Variants in CFAP184 observed in about 807,000 individuals in gnomAD.
CFAP184 encodes cilia- and flagella-associated protein 184.
the CFAP184 span, chr4:7,041,813 G>A: frequency 6.2e-7 from 1 of 1,610,480 alleles, no homozygotes; most frequent in Non-Finnish European, 8.5e-7. Flanking sequence ...TTCTCCAGCC[G>A]CACGGCGCTC....
At chr4:7,042,286 TTC>T in the CFAP184 span, 1 of 1,591,548 alleles carries the variant, frequency 6.3e-7, no homozygotes, top group African/African-American at 1.3e-5. Context: ...CTCCTGCAGC[TTC>T]TGGACCTCCT....
the CFAP184 span, chr4:7,041,897 T>C: frequency 1.9e-6 from 3 of 1,612,006 alleles, no homozygotes; most frequent in African/African-American, 4.0e-5. Flanking sequence ...CGCCCGCCCC[T>C]CATCCGACAG....
the CFAP184 span, chr4:7,042,440 C>G: frequency 1.9e-6 from 3 of 1,611,752 alleles, no homozygotes; most frequent in Admixed American, 5.0e-5. Context: ...TCTTCCTCCC[C>G]CTCCACCCGC....
the CFAP184 span, chr4:7,041,616 T>A: frequency 2.0e-4 from 321 of 1,614,258 alleles, 1 homozygote; most frequent in East Asian, 6.7e-3. Flanking sequence ...GGGTTATTAC[T>A]TGCACACTGT....
chr4:7,041,783 G>C, the CFAP184 span: 1 of 1,612,436 alleles, frequency 6.2e-7, no homozygotes, highest in Non-Finnish European at 8.5e-7. Flanking sequence ...AAATGCACCA[G>C]GCTCTGCTTC....
the CFAP184 span, chr4:7,042,983 T>A: frequency 2.2e-6 from 3 of 1,385,222 alleles, no homozygotes; most frequent in African/African-American, 1.5e-5. Flanking sequence ...CAGGACGCTG[T>A]TAGGTTTCCC....
the CFAP184 span, chr4:7,041,478 C>A: frequency 6.2e-7 from 1 of 1,614,178 alleles, no homozygotes; most frequent in Non-Finnish European, 8.5e-7. Flanking sequence ...CCGTCCGCAG[C>A]CCCTCTCGGG....
chr4:7,042,809 C>T, the CFAP184 span: 18 of 1,563,330 alleles, frequency 1.2e-5, no homozygotes, highest in Non-Finnish European at 1.5e-5. Context: ...GGCTCCGACT[C>T]CAGCTCCCCG....
At chr4:7,041,766 G>A in the CFAP184 span, 3 of 1,613,076 alleles carry the variant, frequency 1.9e-6, no homozygotes, top group African/African-American at 4.0e-5. Context: ...TCCTCATCCT[G>A]GTTTCAAAAT....
chr4:7,042,102 C>A, the CFAP184 span: 2 of 1,608,572 alleles, frequency 1.2e-6, no homozygotes, highest in Non-Finnish European at 1.7e-6. Context: ...CTTGCTCTTT[C>A]TCGGGGGCCT....
chr4:7,042,825 G>A, the CFAP184 span: 6 of 1,570,268 alleles, frequency 3.8e-6, no homozygotes, highest in Non-Finnish European at 5.2e-6. Flanking sequence ...CCCCGGGTTC[G>A]GGAGAGGTCG....
the CFAP184 span, chr4:7,042,717 C>T: frequency 5.9e-6 from 9 of 1,517,730 alleles, no homozygotes; most frequent in East Asian, 2.0e-4. Context: ...CCTCGGCTGC[C>T]GTTAGCCCTT....
chr4:7,041,360 A>C, the CFAP184 span: 9 of 1,614,056 alleles, frequency 5.6e-6, no homozygotes, highest in African/African-American at 1.1e-4. Flanking sequence ...CGCTTCAGGG[A>C]TTCCAGGCGC....
the CFAP184 span, chr4:7,042,847 C>T: frequency 1.3e-6 from 2 of 1,578,492 alleles, no homozygotes; most frequent in East Asian, 2.3e-5. Context: ...AGGGCCAGAG[C>T]TGGCCTTGAT....
chr4:7,042,832 G>A, the CFAP184 span: 2 of 1,573,644 alleles, frequency 1.3e-6, no homozygotes, highest in Non-Finnish European at 1.7e-6. Flanking sequence ...TTCGGGAGAG[G>A]TCGGAGGGCC....
At chr4:7,040,983 A>G in the CFAP184 span, 6 of 338,614 alleles carry the variant, frequency 1.8e-5, no homozygotes, top group Admixed American at 2.1e-4. Context: ...CACTGAAATT[A>G]TAGAATTGCT....
the CFAP184 span, chr4:7,042,173 C>T: frequency 6.3e-7 from 1 of 1,598,324 alleles, no homozygotes. Flanking sequence ...CTGCGCAGCG[C>T]CTCGAAGATC....
chr4:7,042,005 A>G, the CFAP184 span: 1 of 1,612,192 alleles, frequency 6.2e-7, no homozygotes, highest in African/African-American at 1.3e-5. Context: ...TGCCGCTTCA[A>G]CTGGCCCAGC....
the CFAP184 span, chr4:7,041,278 G>T: frequency 1.9e-6 from 3 of 1,590,976 alleles, no homozygotes; most frequent in African/African-American, 2.7e-5. Context: ...TGGTCAAGAA[G>T]GGAGAAAGGC....
Sources: gnomAD v4.1 joint callset for allele counts on GRCh38, gnomAD v4.1.1 for gene constraint, MANE v1.5 for transcripts, NCBI Gene and HGNC (gene_info 2026-07-23, HGNC 2026-07-21) for gene names.